LCT: variants seen among roughly 807,000 people sequenced by gnomAD.
LCT encodes lactase.
A neutral mutation model predicts 173.0 loss-of-function variants in LCT; 90 were observed. The ratio of observed to expected loss-of-function variants is 0.52; its 90% CI spans 0.44 to 0.62. The LOEUF is 0.62. Ranked by LOEUF, LCT falls within the 20% of genes least tolerant of loss-of-function variation. The pLI is 0.00. For missense variants in LCT, 1,864 were observed against 2,431.4 expected (o/e 0.77, Z 4.91); for synonymous variants, 853 against 957.6 (o/e 0.89, Z 2.02).
chr2:135,807,441 G>A, intron 8 of LCT, 45 bp from the exon 9 acceptor site: 2 of 1,605,170 alleles, frequency 1.2e-6, no homozygotes, highest in Non-Finnish European at 8.5e-7. Flanking sequence ...GACACCAGGA[G>A]TCAGGACCTC....
intron 11 of LCT, among the ~76,000 whole-genome samples, chr2:135,801,987 G>A (rs1368575716): frequency 4.6e-5 from 7 of 152,130 alleles, no homozygotes; most frequent in Admixed American, 4.6e-4. Context: ...ATTGACAGGA[G>A]TTGATAATCT....
intron 11 of LCT, among the ~76,000 whole-genome samples, chr2:135,801,185 A>C (rs2077624632): frequency 6.6e-6 from 1 of 152,114 alleles, no homozygotes; most frequent in African/African-American, 2.4e-5. Flanking sequence ...AAATACCCAT[A>C]ATAGAGATAC....
intron 1 of LCT, among the ~76,000 whole-genome samples, chr2:135,835,130 G>GT (rs139164062): frequency 0.025 from 3,783 of 152,172 alleles, 136 homozygotes; most frequent in African/African-American, 0.084. Context: ...AACATAACTT[G>GT]TAACTAGTGA....
Position 135,817,790 on chromosome 2 carries a change from T to C in LCT, c.1258A>G (p.Thr420Ala), listed in dbSNP as rs756196797. ...IWDPRRPLNT[T>A]EGQATLEVAS... ...ACCTCCAGCGTCGCTTGGCCCTCAG[T>C]GGTGTTCAGGGGCCTGCGTGGATCC... The change falls in exon 6 of 17, where the codon ACT becomes GCT. Residue 420 changes from threonine to alanine, a missense_variant. This residue lies in a region of LCT where 183 missense variants were observed against 293.1 expected (regional missense o/e 0.62). Coordinates refer to ENST00000264162, the MANE Select transcript of LCT (RefSeq NM_002299.4). 3 of 1,613,850 alleles carry C rather than the reference T, an allele frequency of 1.9e-6. No homozygotes were observed. Among genetic ancestry groups the C allele is most frequent in the Non-Finnish European group, 2.5e-6 (3 of 1,180,022 alleles).
chr2:135,826,429 G>T (rs1220082885), intron 3 of LCT, among the ~76,000 whole-genome samples: 1 of 151,132 alleles, frequency 6.6e-6, no homozygotes, highest in Non-Finnish European at 1.5e-5. Flanking sequence ...AGCTAGGCAT[G>T]GTGGCGGGCA....
chr2:135,822,976 T>A (rs1558743393), intron 4 of LCT: 2 of 152,430 alleles, frequency 1.3e-5, no homozygotes, highest in East Asian at 3.8e-4. Flanking sequence ...TCCACTTCTC[T>A]GCCAGGTTAG....
rs151321629 is a variant in LCT, at chr2:135,804,827, C to G, written c.4404G>C (p.Ala1468=). 3.7e-6 allele frequency: 6 copies of G among 1,613,740 alleles called. No homozygotes were observed. The highest frequency in any genetic ancestry group is 2.7e-5 in the African/African-American group (2 of 74,874). ...PDGTTRYINE[A]GLNYYVRLID... is the part of the protein sequence containing the mutation. The stretch of plus-strand genomic sequence containing the variant: ...TGAGCCTCACGTAGTAGTTCAGGCC[C>G]GCTTCATTGATGTACCTGGTGGTTC... The change falls in exon 10 of 17, where the codon GCG becomes GCC. Residue 1468 remains alanine (A), a synonymous_variant. Transcript: ENST00000264162.
intron 13 of LCT, among the ~76,000 whole-genome samples, chr2:135,797,665 C>T (rs1310273846): frequency 6.6e-6 from 1 of 152,166 alleles, no homozygotes; most frequent in African/African-American, 2.4e-5. Context: ...CAGACCATCG[C>T]CACCTGCTGG....
chr2:135,801,790 T>G (rs1004930816), intron 11 of LCT, among the ~76,000 whole-genome samples: 1 of 151,788 alleles, frequency 6.6e-6, no homozygotes, highest in Non-Finnish European at 1.5e-5. Context: ...ATCAGGCTGG[T>G]CTTGAACTCC....
rs545319664 is a variant in LCT, at chr2:135,823,969, T to C, written c.839A>G (p.Asn280Ser). Residue 280 changes from asparagine (N) to serine (S), a missense_variant, in exon 4 of 17, where the codon AAC becomes AGC. Physicochemically the swap from Asn to Ser is conservative, Grantham distance 46. This residue lies in a region of LCT where 412 missense variants were observed against 462.0 expected (regional missense o/e 0.89). Transcript: ENST00000264162. ...GGAGGGGCAGTCTGGGAGTTTTAGG[T>C]TGAAGATGAAAACTTTCACTTTTGG... Reference protein sequence around the residue: ...IEPKVKVFIFNLKLPDCPSTM... With the variant: ...IEPKVKVFIFSLKLPDCPSTM... 3 of 1,613,938 alleles carry C rather than the reference T, an allele frequency of 1.9e-6. No homozygotes were observed. The African/African-American group carries it at 4.0e-5, about 22-fold the overall frequency.
At chr2:135,821,545 A>G (rs1008582747) in intron 5 of LCT, 1 of 184,216 alleles carries the variant, frequency 5.4e-6, no homozygotes. Context: ...CAGTGGCACA[A>G]TCTCGGCTCA....
At chr2:135,826,081 C>T (rs932778498) in intron 3 of LCT, among the ~76,000 whole-genome samples, 1 of 152,140 alleles carries the variant, frequency 6.6e-6, no homozygotes, top group Non-Finnish European at 1.5e-5. Flanking sequence ...CTGTCATTTC[C>T]GAATCTTTGA....
chr2:135,792,915 C>T (rs2077543992), intron 14 of LCT, among the ~76,000 whole-genome samples: 1 of 152,176 alleles, frequency 6.6e-6, no homozygotes, highest in Admixed American at 6.5e-5. Flanking sequence ...CTTGTAATCC[C>T]CCTTCTACTA....
chr2:135,816,076 CG>C (rs1558740845), intron 6 of LCT, among the ~76,000 whole-genome samples: 1 of 152,150 alleles, frequency 6.6e-6, no homozygotes, highest in Admixed American at 6.5e-5. Context: ...TCCTGAAGAA[CG>C]CTGCCAAAGA....
Position 135,836,921 on chromosome 2 carries a change from C to T in LCT, c.249G>A (p.Gln83=). 6.2e-7 allele frequency: 1 copy of T among 1,614,164 alleles called. No homozygotes were observed. The highest frequency in any genetic ancestry group is 1.1e-5 in the South Asian group (1 of 91,082). ...PEYFSSLHAS[Q]ITHYKVFLSW... ...ACAGAAATACCTTATAATGGGTGATCTGACTGGCATGGAGACTGCTGAAGT... is the reference window on the plus strand; with the variant it reads ...ACAGAAATACCTTATAATGGGTGATTTGACTGGCATGGAGACTGCTGAAGT... The change falls in exon 1 of 17, where the codon CAG becomes CAA. Residue 83 remains glutamine, a synonymous_variant. Transcript: ENST00000264162.
chr2:135,811,128 C>G (rs1192370096), intron 7 of LCT, among the ~76,000 whole-genome samples: 1 of 151,982 alleles, frequency 6.6e-6, no homozygotes, highest in African/African-American at 2.4e-5. Flanking sequence ...ATCGCTTGAG[C>G]CCAGGAGGTC....
intron 10 of LCT, 92 bp downstream of exon 10, chr2:135,804,675 C>T (rs2077653974): frequency 8.1e-7 from 1 of 1,227,614 alleles, no homozygotes; most frequent in East Asian, 2.3e-5. Context: ...AAATTTGAAA[C>T]CAGCATTTTG....
In LCT at chr2:135,836,844, GT is replaced by G; in HGVS notation, c.325del (p.Thr109GlnfsTer57). 6.2e-7 allele frequency: 1 copy of G among 1,614,206 alleles called. No homozygotes were observed. Among genetic ancestry groups the G allele is most frequent in the Non-Finnish European group, 8.5e-7 (1 of 1,180,046 alleles). ...GAGGAGTCGCCGGTAGCACTGCACT[GT>G]TTTCTCGTCTGGATTCTGGGTGCTT... ...AGSTQNPDEK[T>X]VQCYRRLLKA... is the part of the protein sequence containing the mutation. On this transcript the variant is annotated frameshift_variant, in exon 1 of 17. Coordinates refer to ENST00000264162, the MANE Select transcript of LCT (RefSeq NM_002299.4). LOFTEE classifies it high-confidence loss of function.
At position 135,804,776 on chromosome 2, in the gene LCT, G is replaced by A. The variant is rs1414364945; in HGVS notation, c.4455C>T (p.Ile1485=). ...RLIDTLLAAS[I]QPQVTIYHWD... ...CCAGGACCCACCATACCTGGGGCTG[G>A]ATGCTGGCGGCCAGCAGTGTATCGA... The change falls in exon 10 of 17, where the codon ATC becomes ATT. Residue 1485 remains isoleucine (I), a synonymous_variant. Transcript: ENST00000264162. 1.2e-6 allele frequency: 2 copies of A among 1,612,648 alleles called. No individual in the cohort carries two copies. Among genetic ancestry groups the A allele is most frequent in the East Asian group, 4.5e-5 (2 of 44,890 alleles).
Sources: allele counts gnomAD v4.1 joint callset (sites outside exome capture counted in the v4.1 genomes callset), GRCh38; gene constraint gnomAD v4.1.1; regional missense constraint gnomAD v4.1.1; transcripts MANE v1.5; gene names NCBI Gene and HGNC (gene_info 2026-07-23, HGNC 2026-07-21).